Variants in ZNF212 observed in about 807,000 individuals in gnomAD.
The protein encoded by ZNF212 is zinc finger protein 212, also known as Zinc finger protein C2H2-150.
A neutral mutation model predicts 47.3 loss-of-function variants in ZNF212; 32 were observed. The observed-to-expected ratio is 0.68, with a 90% CI of 0.51 to 0.91. The LOEUF is 0.91. Among genes scored for constraint, ZNF212 ranks in the 40% least tolerant of loss-of-function variants. The pLI is 0.00. For synonymous variants in ZNF212, 242 were observed against 253.8 expected (o/e 0.95, Z 0.44); for missense variants, 555 against 622.8 (o/e 0.89, Z 1.16).
At chr7:149,243,439 A>G (rs1017675813) in intron 1 of ZNF212, among the ~76,000 whole-genome samples, 1 of 116,834 alleles carries the variant, frequency 8.6e-6, no homozygotes, top group African/African-American at 3.8e-5. Flanking sequence ...GTCTCAAAAA[A>G]AAAAAAAAAA....
At chr7:149,252,675 C>G (rs759555332) in intron 3 of ZNF212, 31 bp from the exon 4 acceptor site, 2 of 1,609,078 alleles carry the variant, frequency 1.2e-6, no homozygotes, top group African/African-American at 1.3e-5. Context: ...TCACTCTCTC[C>G]TGGGCTCACA....
chr7:149,253,931 T>C lies in ZNF212; in HGVS notation c.1004T>C (p.Leu335Pro). The C allele has an allele frequency of 1.9e-6, 3 of 1,613,930 alleles. No homozygotes were observed. The highest frequency in any genetic ancestry group is 2.5e-6 in the Non-Finnish European group (3 of 1,179,996). The change falls in exon 5 of 5, where the codon CTG (leucine) becomes CCG (proline). Residue 335 changes from leucine (L) to proline (P), a missense_variant. Transcript: ENST00000335870. ...FRYKQQLATHLRSHSGWGSCT... is the reference protein window; with the variant it reads ...FRYKQQLATHPRSHSGWGSCT... ...TATAAGCAGCAGCTGGCCACACATCTGCGCAGCCACTCTGGGTGGGGGTCT... is the reference window on the plus strand; with the variant it reads ...TATAAGCAGCAGCTGGCCACACATCCGCGCAGCCACTCTGGGTGGGGGTCT...
chr7:149,252,361 T>C (rs1188902033), intron 3 of ZNF212, among the ~76,000 whole-genome samples: 1 of 152,112 alleles, frequency 6.6e-6, no homozygotes, highest in Non-Finnish European at 1.5e-5. Context: ...AGGATGAAAT[T>C]AGATCCCCTG....
Position 149,253,999 on chromosome 7 carries a change from C to T in ZNF212, c.1072C>T (p.Arg358Trp), listed in dbSNP as rs769324475. Residue 358 changes from arginine to tryptophan, a missense_variant, in exon 5 of 5, where the codon CGG (arginine) becomes TGG (tryptophan). Transcript: ENST00000335870. ...AGAGGAGAGCCTTAGGCCCAGGCCACGGCTGAAACCACAGACCAAAAAGGC... is the reference window on the plus strand; with the variant it reads ...AGAGGAGAGCCTTAGGCCCAGGCCATGGCTGAAACCACAGACCAAAAAGGC... The part of the protein sequence containing the change: ...EPEESLRPRP[R>W]LKPQTKKAKL... 2.8e-5 allele frequency: 45 copies of T among 1,613,352 alleles called. No homozygotes were observed. The South Asian group carries it at 3.2e-4, about 11-fold the overall frequency.
At chr7:149,250,602 T>C in intron 2 of ZNF212, 54 bp downstream of exon 2, 6 of 1,606,676 alleles carry the variant, frequency 3.7e-6, no homozygotes, top group Non-Finnish European at 4.3e-6. Flanking sequence ...AGCCCTTTAA[T>C]ATGTAAGCAC....
chr7:149,250,559 T>A lies in ZNF212; in HGVS notation c.414+11T>A, dbSNP rs370171060. On this transcript the variant is annotated intron_variant, in intron 2 of 4. Transcript: ENST00000335870. ...GGGGAGGCCCCCAAGGTAGTCTCAT[T>A]GAGGATTAAAAGTTAGAAGAGAAGG... is the stretch of plus-strand genomic sequence containing the variant. The A allele has an allele frequency of 8.8e-5, 142 of 1,607,426 alleles. 1 individual carries two copies. The highest frequency in any genetic ancestry group is 3.8e-4 in the South Asian group (34 of 90,558).
chr7:149,247,493 G>A (rs949352521), intron 1 of ZNF212, among the ~76,000 whole-genome samples: 4 of 152,126 alleles, frequency 2.6e-5, no homozygotes, highest in Non-Finnish European at 5.9e-5. Flanking sequence ...CTTAGTAGTC[G>A]AAGTAGTAGT....
Position 149,253,766 on chromosome 7 carries a change from G to A in ZNF212, c.839G>A (p.Ser280Asn). The A allele has an allele frequency of 1.2e-6, 2 of 1,614,096 alleles. No individual in the cohort carries two copies. The highest frequency in any genetic ancestry group is 1.1e-5 in the South Asian group (1 of 91,080). Residue 280 changes from serine (S) to asparagine (N), a missense_variant, in exon 5 of 5, where the codon AGC becomes AAC. Ser to Asn is a conservative substitution (Grantham distance 46). Coordinates refer to ENST00000335870, the MANE Select transcript of ZNF212 (RefSeq NM_012256.4). ...GAGCCTGTTGGTAGTAGAGTTCCTA[G>A]CAGCAGCAGAACTGTGGGCTGCCCG... ...LEEPVGSRVPSSSRTVGCPKQ... is the reference protein window; with the variant it reads ...LEEPVGSRVPNSSRTVGCPKQ...
intron 1 of ZNF212, among the ~76,000 whole-genome samples, chr7:149,244,254 C>T (rs1272252136): frequency 6.6e-6 from 1 of 152,058 alleles, no homozygotes; most frequent in Non-Finnish European, 1.5e-5. Context: ...TAACCAGCCA[C>T]ATGTGACTAG....
At position 149,253,439 on chromosome 7, in the gene ZNF212, C is replaced by T. The variant is rs572376129; in HGVS notation, c.632-120C>T. 10 of 1,278,218 alleles carry T rather than the reference C, an allele frequency of 7.8e-6. No homozygotes were observed. In the East Asian group the frequency reaches 1.2e-4, roughly 15 times the overall value. 79.2% of individuals were successfully genotyped at this position (1,278,218 alleles called of 1,614,324 possible). ...ACCTAGCCAGTGTCATCCTCCTCCA[C>T]GTTATCCTAATTCACTTATTCCTGG... On this transcript the variant is annotated intron_variant, in intron 4 of 4. Transcript: ENST00000335870.
chr7:149,241,257 C>T (rs137894083), intron 1 of ZNF212, among the ~76,000 whole-genome samples: 2,597 of 152,088 alleles, frequency 0.017, 30 homozygotes, highest in Middle Eastern at 0.037. Flanking sequence ...TGTGGTGAAA[C>T]CCGGTCTCTA....
Position 149,254,456 on chromosome 7 carries a change from G to C in ZNF212, c.*41G>C, listed in dbSNP as rs757525696. The C allele has an allele frequency of 3.9e-6, 6 of 1,545,910 alleles. No homozygotes were observed. The highest frequency in any genetic ancestry group is 5.2e-6 in the Non-Finnish European group (6 of 1,156,340). On this transcript the variant is annotated 3_prime_UTR_variant, in exon 5 of 5. Transcript: ENST00000335870. The surrounding 1 kb of genome is among the most constrained non-coding windows in gnomAD (Gnocchi z 4.5). ...CCCGTCTGGGGGATGGAGGGGGGTG[G>C]CATTGGTTCCCCCGAAGAGACACTG...
intron 1 of ZNF212, among the ~76,000 whole-genome samples, chr7:149,249,563 G>C (rs1416166048): frequency 6.6e-6 from 1 of 151,372 alleles, no homozygotes; most frequent in Non-Finnish European, 1.5e-5. Flanking sequence ...CACTTTTGTT[G>C]AAAAAAAATA....
At chr7:149,245,359 G>GAA (rs11413172) in intron 1 of ZNF212, among the ~76,000 whole-genome samples, 2,253 of 111,538 alleles carry the variant, frequency 0.02, 74 homozygotes, top group African/African-American at 0.065. Context: ...CTCCATCTCA[G>GAA]AAAAAAAAAA....
Position 149,255,345 on chromosome 7 carries a change from G to C in ZNF212, c.*930G>C, listed in dbSNP as rs1796823148. ...ACTTAAGGTTGTTCACCTTGTACCAGTGGTTATTTGAGTTTGTTCCTATTA... is the reference window on the plus strand; with the variant it reads ...ACTTAAGGTTGTTCACCTTGTACCACTGGTTATTTGAGTTTGTTCCTATTA... On this transcript the variant is annotated 3_prime_UTR_variant, in exon 5 of 5. Transcript: ENST00000335870. 6.5e-6 allele frequency: 1 copy of C among 153,774 alleles called. No individual in the cohort carries two copies. Among genetic ancestry groups the C allele is most frequent in the Non-Finnish European group, 1.5e-5 (1 of 68,066 alleles). 9.5% of individuals were successfully genotyped at this position (153,774 alleles called of 1,614,324 possible).
At chr7:149,249,967 T>C (rs934227106) in intron 1 of ZNF212, among the ~76,000 whole-genome samples, 192 bp from the exon 2 acceptor site, 1 of 152,196 alleles carries the variant, frequency 6.6e-6, no homozygotes, top group African/African-American at 2.4e-5. Context: ...TTGTGTAATA[T>C]TTTCTTTCTA....
At chr7:149,241,104 A>G (rs1426668685) in intron 1 of ZNF212, among the ~76,000 whole-genome samples, 1 of 152,136 alleles carries the variant, frequency 6.6e-6, no homozygotes, top group South Asian at 2.1e-4. Flanking sequence ...AATTACCTAC[A>G]TGTCGTCAGT....
chr7:149,241,288 C>T (rs538020417), intron 1 of ZNF212, among the ~76,000 whole-genome samples: 19 of 152,056 alleles, frequency 1.2e-4, no homozygotes, highest in South Asian at 4.2e-4. Flanking sequence ...AAAAATTAGC[C>T]GGGCGTGGTG....
In ZNF212 at chr7:149,243,554, A is replaced by AATAAAGT. The variant is rs146425265; in HGVS notation, c.24+3753_24+3759dup. Among the ~76,000 whole-genome samples, 849 of 152,240 alleles carry AATAAAGT rather than the reference A, an allele frequency of 5.6e-3. 10 individuals are homozygous for AATAAAGT. Among genetic ancestry groups the AATAAAGT allele is most frequent in the African/African-American group, 0.019 (803 of 41,544 alleles). On this transcript the variant is annotated intron_variant, in intron 1 of 4. Transcript: ENST00000335870. ...AATATGCCAAGCAAATACTAATGAA[A>AATAAAGT]ATAAAGTTGACAAATATATTTAGTA...
Sources: gnomAD v4.1 joint callset for allele counts (sites outside exome capture counted in the v4.1 genomes callset) on GRCh38, gnomAD v4.1.1 for gene constraint, Gnocchi (gnomAD v3.1) non-coding constraint, MANE v1.5 for transcripts, NCBI Gene and HGNC (gene_info 2026-07-23, HGNC 2026-07-21) for gene names.